Variants in ZNF461 observed in about 807,000 individuals in gnomAD.
The protein encoded by ZNF461 is gonadotropin-inducible ovarian transcription factor-1.
ZNF461 carries 16 observed loss-of-function variants against 18.3 expected under a neutral mutation model. That is an observed-to-expected ratio of 0.88 (90% confidence interval 0.59 to 1.33). The LOEUF is 1.33. ZNF461 is among the 40% of genes most tolerant of loss of function. ZNF461 has a pLI of 0.00. For missense variants in ZNF461, 595 were observed against 669.9 expected (o/e 0.89, Z 1.23); for synonymous variants, 179 against 216.9 (o/e 0.83, Z 1.54).
intron 4 of ZNF461, among the ~76,000 whole-genome samples, chr19:36,656,045 G>T (rs575154515): frequency 1.9e-3 from 281 of 148,246 alleles, no homozygotes; most frequent in African/African-American, 6.7e-3. Context: ...TCGCCCAGGC[G>T]GGAGTGCTGT....
intron 2 of ZNF461, among the ~76,000 whole-genome samples, chr19:36,662,058 G>A (rs938954503): frequency 6.6e-6 from 1 of 151,860 alleles, no homozygotes; most frequent in Non-Finnish European, 1.5e-5. Flanking sequence ...TAGTAGAGAC[G>A]GGGTTTCTCT....
intron 5 of ZNF461, among the ~76,000 whole-genome samples, chr19:36,641,856 A>G (rs1384874525): frequency 6.6e-6 from 1 of 152,118 alleles, no homozygotes; most frequent in Non-Finnish European, 1.5e-5. Context: ...TTGCTTATCT[A>G]TAACAAGCCA....
intron 5 of ZNF461, among the ~76,000 whole-genome samples, chr19:36,643,042 T>A (rs1363250030): frequency 6.6e-6 from 1 of 152,148 alleles, no homozygotes; most frequent in Non-Finnish European, 1.5e-5. Flanking sequence ...GTGCTGGGAT[T>A]ACAGGTGTGA....
rs760589942 is a variant in ZNF461 at position 36,639,390 on chromosome 19, G to T, written c.955C>A (p.His319Asn). ...AFRQRSQLTQ[H>N]QRLHTGEKPY... The stretch of plus-strand genomic sequence containing the variant: ...TTTTCACCAGTATGAAGTCTCTGAT[G>T]TTGAGTAAGCTGTGATCGCTGTCTA... The change falls in exon 6 of 6, where the codon CAT becomes AAT. Residue 319 changes from histidine to asparagine, a missense_variant. His to Asn is a moderately conservative substitution (Grantham distance 68). Transcript: ENST00000588268. 6.2e-7 allele frequency: 1 copy of T among 1,613,996 alleles called. No individual in the cohort carries two copies. Among genetic ancestry groups the T allele is most frequent in the Non-Finnish European group, 8.5e-7 (1 of 1,179,994 alleles).
At position 36,639,374 on chromosome 19, in the gene ZNF461, G is replaced by A; in HGVS notation, c.971C>T (p.Thr324Ile). ...SQLTQHQRLH[T>I]GEKPYECKQC... ...CTTACATTCATAGGGTTTTTCACCA[G>A]TATGAAGTCTCTGATGTTGAGTAAG... Residue 324 changes from threonine to isoleucine, a missense_variant, in exon 6 of 6, where the codon ACT becomes ATT. Physicochemically the swap from Thr to Ile is moderately conservative, Grantham distance 89. Transcript: ENST00000588268. 1 of 1,613,844 alleles carries A rather than the reference G, an allele frequency of 6.2e-7. No individual in the cohort carries two copies. The highest frequency in any genetic ancestry group is 1.3e-5 in the African/African-American group (1 of 74,956).
At chr19:36,656,973 C>T (rs1445759737) in intron 3 of ZNF461, among the ~76,000 whole-genome samples, 1 of 151,930 alleles carries the variant, frequency 6.6e-6, no homozygotes. Flanking sequence ...GCGCACACCA[C>T]TCTGCCTGGC....
At chr19:36,658,461 A>T in intron 2 of ZNF461, 36 bp from the exon 3 acceptor site, 1 of 1,548,834 alleles carries the variant, frequency 6.5e-7, no homozygotes, top group Non-Finnish European at 8.7e-7. Flanking sequence ...TTTTGAAATT[A>T]TAAGAAATGT....
intron 2 of ZNF461, among the ~76,000 whole-genome samples, chr19:36,661,994 T>G (rs1449386773): frequency 2.0e-5 from 3 of 151,542 alleles, no homozygotes; most frequent in Non-Finnish European, 4.4e-5. Flanking sequence ...TTCAGCCTCC[T>G]GAGTAGTTGG....
chr19:36,658,299 C>T lies in ZNF461; in HGVS notation c.136G>A (p.Gly46Arg). 1.2e-6 allele frequency: 2 copies of T among 1,604,922 alleles called. No individual in the cohort carries two copies. Among genetic ancestry groups the T allele is most frequent in the Admixed American group, 1.7e-5 (1 of 58,644 alleles). ...LENYSNLVSLGLSVSKPAVIS... is the reference protein window; with the variant it reads ...LENYSNLVSLRLSVSKPAVIS... ...GTTCTTAATTTTTAGATAACTTTAC[C>T]AAGTGACACCAAGTTGCTATAATTC... Residue 46 changes from glycine (G) to arginine (R), a missense_variant and splice_region_variant, in exon 3 of 6, where the codon GGA (glycine) becomes AGA (arginine). Transcript: ENST00000588268.
At chr19:36,662,116 G>A (rs899159432) in intron 2 of ZNF461, among the ~76,000 whole-genome samples, 2 of 152,146 alleles carry the variant, frequency 1.3e-5, no homozygotes, top group Admixed American at 6.5e-5. Context: ...TGATCCGCCC[G>A]CTTCAGCCTC....
chr19:36,665,517 T>G (rs1651304922), intron 1 of ZNF461, among the ~76,000 whole-genome samples: 1 of 152,114 alleles, frequency 6.6e-6, no homozygotes, highest in African/African-American at 2.4e-5. Flanking sequence ...AAGACCAGCC[T>G]GGCCAACATG....
At chr19:36,643,086 C>T (rs2037457118) in intron 5 of ZNF461, among the ~76,000 whole-genome samples, 1 of 152,076 alleles carries the variant, frequency 6.6e-6, no homozygotes, top group African/African-American at 2.4e-5. Context: ...ATGTTTACAA[C>T]AACCACTACA....
intron 5 of ZNF461, among the ~76,000 whole-genome samples, chr19:36,641,567 GT>G (rs977508256): frequency 1.7e-3 from 229 of 138,104 alleles, no homozygotes; most frequent in African/African-American, 5.6e-3. Context: ...ATATATATAT[GT>G]TTTTTTACCC....
rs766837463 is a variant in ZNF461, at chr19:36,639,663, C to A, written c.682G>T (p.Val228Phe). Residue 228 changes from valine to phenylalanine, a missense_variant, in exon 6 of 6, where the codon GTT (valine) becomes TTT (phenylalanine). By Grantham distance (50) the Val-to-Phe change is conservative (BLOSUM62 -1). Coordinates refer to ENST00000588268, the MANE Select transcript of ZNF461 (RefSeq NM_153257.5). ...LSECKECTEI[V>F]NTPCLFKQQT... ...TGTTTAAAAAGGCATGGTGTATTAA[C>A]AATTTCTGTGCATTCTTTACATTCA... The A allele has an allele frequency of 1.2e-6, 2 of 1,613,862 alleles. No homozygotes were observed. Among genetic ancestry groups the A allele is most frequent in the East Asian group, 4.5e-5 (2 of 44,872 alleles).
rs1600404623 is a variant in ZNF461 at position 36,637,713 on chromosome 19, T to G, written c.*940A>C. On this transcript the variant is annotated 3_prime_UTR_variant, in exon 6 of 6. Transcript: ENST00000588268. ...AAAAAAAAATGAAGTAGGCCAAATG[T>G]GGACTAATAATGAGAATGTGTAATA... 1 of 292,706 alleles carries G rather than the reference T, an allele frequency of 3.4e-6. No homozygotes were observed. Among genetic ancestry groups the G allele is most frequent in the Non-Finnish European group, 6.8e-6 (1 of 148,118 alleles). 18.1% of individuals were successfully genotyped at this position (292,706 alleles called of 1,614,324 possible).
At position 36,657,031 on chromosome 19, in the gene ZNF461, G is replaced by C. The variant is rs112582527; in HGVS notation, c.137-488C>G. On this transcript the variant is annotated intron_variant, in intron 3 of 5. Transcript: ENST00000588268. ...ACGGGGTTTGGCCCATATTGGCCAG[G>C]CTGGTCTCAAACTCCTGGCCTCAGG... Among the ~76,000 whole-genome samples, 1,468 of 151,858 alleles carry C rather than the reference G, an allele frequency of 9.7e-3. 29 individuals are homozygous for C. The highest frequency in any genetic ancestry group is 0.034 in the African/African-American group (1,418 of 41,436).
At chr19:36,658,648 G>A (rs918457374) in intron 2 of ZNF461, 2 of 388,636 alleles carry the variant, frequency 5.1e-6, no homozygotes, top group Admixed American at 4.5e-5. Context: ...TGTGTAGGTG[G>A]GAAACTCCTG....
chr19:36,651,481 A>G (rs562667472), intron 4 of ZNF461, among the ~76,000 whole-genome samples: 1 of 152,188 alleles, frequency 6.6e-6, no homozygotes, highest in African/African-American at 2.4e-5. Flanking sequence ...TCTCTAAGAA[A>G]AAAAAACTAG....
At chr19:36,647,219 T>TCAACTAC (rs1230474843) in intron 4 of ZNF461, among the ~76,000 whole-genome samples, 2 of 152,184 alleles carry the variant, frequency 1.3e-5, no homozygotes, top group Non-Finnish European at 2.9e-5. Context: ...ATAAATTTCT[T>TCAACTAC]CAGCTGTAGT....
Sources: gnomAD v4.1 joint callset for allele counts (sites outside exome capture counted in the v4.1 genomes callset) on GRCh38, gnomAD v4.1.1 for gene constraint, MANE v1.5 for transcripts, NCBI Gene and HGNC (gene_info 2026-07-23, HGNC 2026-07-21) for gene names.